Variants in SH3PXD2A observed in about 807,000 individuals in gnomAD.
The protein encoded by SH3PXD2A is SH3 and PX domain-containing protein 2A.
A neutral mutation model predicts 115.2 loss-of-function variants in SH3PXD2A; 32 were observed. That is an observed-to-expected ratio of 0.28 (90% CI 0.21 to 0.37). The LOEUF (loss-of-function observed/expected upper bound fraction) is 0.37. Ranked by LOEUF, SH3PXD2A falls within the 10% of genes least tolerant of loss-of-function variation. The probability of loss-of-function intolerance (pLI) is 1.00; values close to 1 mark genes in which losing one functional copy is unlikely to be tolerated. For missense variants in SH3PXD2A, 1,328 were observed against 1,498.7 expected, an observed-to-expected ratio of 0.89 and a Z score of 1.88; for synonymous variants, 610 against 629.1, an observed-to-expected ratio of 0.97 and a Z score of 0.45.
At chr10:103,845,317 C>G (rs1014462566) in intron 1 of SH3PXD2A, among the ~76,000 whole-genome samples, 2 of 122,316 alleles carry the variant, frequency 1.6e-5, no homozygotes, top group East Asian at 4.5e-4. Flanking sequence ...GACGACAGAG[C>G]GAGACTTCAT....
At position 103,705,167 on chromosome 10, in the gene SH3PXD2A, G is replaced by A. The variant is rs535523613; in HGVS notation, c.399-12111C>T. ...CACTACAGGTCCCAGCAGGCCAGCC[G>A]TGGGCCGCCACCTCCATCCTCCACC... is the stretch of plus-strand genomic sequence containing the variant. On this transcript the variant is annotated intron_variant, in intron 5 of 14. Coordinates refer to ENST00000369774, the MANE Select transcript of SH3PXD2A (RefSeq NM_001394015.1). 1.6e-4 allele frequency among the ~76,000 whole-genome samples: 24 copies of A among 152,284 alleles called. 1 individual carries two copies. Among genetic ancestry groups the A allele is most frequent in the Non-Finnish European group, 3.1e-4 (21 of 68,022 alleles).
At chr10:103,752,030 G>C (rs1157956724) in intron 3 of SH3PXD2A, among the ~76,000 whole-genome samples, 1 of 152,202 alleles carries the variant, frequency 6.6e-6, no homozygotes, top group Non-Finnish European at 1.5e-5. Context: ...CCCAAACCTA[G>C]AGAGGGGAGG....
chr10:103,853,957 C>T (rs1203151484), intron 1 of SH3PXD2A, among the ~76,000 whole-genome samples: 1 of 152,204 alleles, frequency 6.6e-6, no homozygotes, highest in Non-Finnish European at 1.5e-5. Flanking sequence ...AAACAACTCT[C>T]TAAGGGTGTC....
rs2036238977 is a variant in SH3PXD2A, at chr10:103,602,815, C to T, written c.2403G>A (p.Glu801=). Residue 801 remains glutamate (E), a synonymous_variant, in exon 15 of 15, where the codon GAG becomes GAA. Transcript: ENST00000369774. ...CCTCGGAGGCCGTCTGCGGGGGCAG[C>T]TCCGAATCCTCACTCTTGGAGCCCT... is the stretch of plus-strand genomic sequence containing the variant. ...GLKGSKSEDS[E]LPPQTASEAP... is the part of the protein sequence containing the mutation. The T allele has an allele frequency of 6.2e-7, 1 of 1,614,190 alleles. No individual in the cohort carries two copies. Among genetic ancestry groups the T allele is most frequent in the Non-Finnish European group, 8.5e-7 (1 of 1,180,038 alleles).
In SH3PXD2A at chr10:103,746,533, G is replaced by A. The variant is rs1463029922; in HGVS notation, c.230-10725C>T. Among the ~76,000 whole-genome samples the A allele has an allele frequency of 6.6e-6, 1 of 152,110 alleles. No individual in the cohort carries two copies. The highest frequency in any genetic ancestry group is 1.5e-5 in the Non-Finnish European group (1 of 68,028). On this transcript the variant is annotated intron_variant, in intron 3 of 14. Coordinates refer to ENST00000369774, the MANE Select transcript of SH3PXD2A (RefSeq NM_001394015.1). The surrounding 1 kb of genome is among the most constrained non-coding windows in gnomAD (Gnocchi z 4.4). ...AACTGGGTTTCACCATGTAGCCCAGGCTGGTTTTAAACTCCTGGGCTCAAG... is the reference window on the plus strand; with the variant it reads ...AACTGGGTTTCACCATGTAGCCCAGACTGGTTTTAAACTCCTGGGCTCAAG...
chr10:103,823,038 T>C (rs754820365), intron 1 of SH3PXD2A, among the ~76,000 whole-genome samples: 3 of 152,194 alleles, frequency 2.0e-5, no homozygotes, highest in Admixed American at 2.0e-4. Context: ...TGCCAACATA[T>C]ATCAAAATGA....
intron 2 of SH3PXD2A, among the ~76,000 whole-genome samples, chr10:103,769,434 TTTCTTC>T (rs71476606): frequency 7.1e-6 from 1 of 139,864 alleles, no homozygotes; most frequent in African/African-American, 2.9e-5. Flanking sequence ...TTTCTTTTTC[TTTCTTC>T]TTCTTCTTCT....
intron 11 of SH3PXD2A, among the ~76,000 whole-genome samples, chr10:103,616,619 G>A (rs1190744211): frequency 6.6e-6 from 1 of 152,236 alleles, no homozygotes; most frequent in Non-Finnish European, 1.5e-5. Context: ...AGAAGCCTCC[G>A]ATGGCCTGAG....
At chr10:103,854,191 C>T (rs1027761015) in intron 1 of SH3PXD2A, among the ~76,000 whole-genome samples, 5 of 152,208 alleles carry the variant, frequency 3.3e-5, no homozygotes, top group Admixed American at 6.5e-5. Context: ...GATCAATGTA[C>T]AATCCAGGGC....
chr10:103,734,779 A>C (rs886902037), intron 4 of SH3PXD2A, among the ~76,000 whole-genome samples: 1 of 152,216 alleles, frequency 6.6e-6, no homozygotes, highest in Non-Finnish European at 1.5e-5. Flanking sequence ...AAAAATTTTT[A>C]AAAAATAAAG....
intron 8 of SH3PXD2A, among the ~76,000 whole-genome samples, chr10:103,653,433 C>G (rs1346693920): frequency 2.6e-5 from 4 of 152,240 alleles, no homozygotes; most frequent in African/African-American, 9.6e-5. Flanking sequence ...GGTTGTCACT[C>G]TGGCACTTCT....
Position 103,855,435 on chromosome 10 carries a change from G to A in SH3PXD2A, c.-169C>T, listed in dbSNP as rs1350813459. On this transcript the variant is annotated 5_prime_UTR_variant, in exon 1 of 15. Transcript: ENST00000369774. ...CCACAGGTCCGGCCCAGGGACGGGG[G>A]AGGGTCCCGGAGGGCGCGCGGGCTC... The A allele has an allele frequency of 1.8e-5, 5 of 278,554 alleles. No individual in the cohort carries two copies. In the South Asian group the frequency reaches 6.2e-4, roughly 35 times the overall value. The allele number at this position is 278,554 out of a possible 1,614,324, so 17.3% of individuals were successfully genotyped here. A position where few individuals can be genotyped will look rare whatever the true frequency, so the allele number is the denominator to read the frequency against.
chr10:103,664,574 C>T (rs961553036), intron 7 of SH3PXD2A, among the ~76,000 whole-genome samples: 11 of 152,242 alleles, frequency 7.2e-5, no homozygotes, highest in African/African-American at 1.9e-4. Context: ...AATGGGCCAC[C>T]GGCGCCTGGT....
At chr10:103,798,914 C>G (rs775354417) in intron 2 of SH3PXD2A, among the ~76,000 whole-genome samples, 20 of 152,216 alleles carry the variant, frequency 1.3e-4, no homozygotes, top group Non-Finnish European at 2.4e-4. Context: ...AGACGCCCCC[C>G]AGCCATGCAG....
chr10:103,632,299 G>A (rs1000754149), intron 8 of SH3PXD2A, among the ~76,000 whole-genome samples: 7 of 152,226 alleles, frequency 4.6e-5, no homozygotes, highest in Admixed American at 2.0e-4. Context: ...GAAGCCCCAC[G>A]GGGCTCACTA....
chr10:103,706,706 G>A (rs902388540), intron 5 of SH3PXD2A, among the ~76,000 whole-genome samples: 2 of 152,148 alleles, frequency 1.3e-5, no homozygotes, highest in Non-Finnish European at 2.9e-5. Flanking sequence ...CAAGAGGCTG[G>A]TCAGACGCTG....
At chr10:103,788,664 C>T (rs989400354) in intron 2 of SH3PXD2A, among the ~76,000 whole-genome samples, 9 of 151,964 alleles carry the variant, frequency 5.9e-5, no homozygotes, top group East Asian at 1.9e-4. Context: ...GTCAGGAGCT[C>T]GAGACCAGCC....
At chr10:103,626,952 T>C (rs2036706940) in intron 9 of SH3PXD2A, 137 bp downstream of exon 9, 3 of 607,394 alleles carry the variant, frequency 4.9e-6, no homozygotes, top group Admixed American at 2.7e-5. Flanking sequence ...CCAACCTTAC[T>C]GAGATGGGAT....
intron 7 of SH3PXD2A, among the ~76,000 whole-genome samples, chr10:103,664,394 C>T (rs2037355944): frequency 6.6e-6 from 1 of 152,226 alleles, no homozygotes; most frequent in African/African-American, 2.4e-5. Context: ...CTCGTCCAAT[C>T]CTCAGAGCAA....
Sources: gnomAD v4.1 joint callset for allele counts (sites outside exome capture counted in the v4.1 genomes callset) on GRCh38, gnomAD v4.1.1 for gene constraint, Gnocchi (gnomAD v3.1) non-coding constraint, MANE v1.5 for transcripts, NCBI Gene and HGNC (gene_info 2026-07-23, HGNC 2026-07-21) for gene names.